The following HAO2 variants were observed in gnomAD, a reference collection of about 807,000 sequenced individuals.
The protein encoded by HAO2 is hydroxyacid oxidase 2.
In HAO2, 42 loss-of-function variants were observed where a neutral mutation model predicts 37.4. The ratio of observed to expected loss-of-function variants is 1.12; its 90% CI spans 0.88 to 1.45. HAO2 has a LOEUF of 1.45. Among genes scored for constraint, HAO2 ranks in the 40% most tolerant of loss-of-function variants. The pLI, the probability that HAO2 is intolerant of heterozygous loss-of-function variation, is 0.00. For missense variants in HAO2, 476 were observed against 430.2 expected (o/e 1.11, Z -0.94); for synonymous variants, 180 against 162.8 (o/e 1.11, Z -0.81).
chr1:119,385,773 G>A (rs146204314), intron 4 of HAO2: 3 of 985,210 alleles, frequency 3.0e-6, no homozygotes, highest in Non-Finnish European at 3.6e-6. Flanking sequence ...GTGACACCAA[G>A]CCAAGTAACT....
At position 119,393,918 on chromosome 1, in the gene HAO2, T is replaced by A; in HGVS notation, c.*78T>A. 6.2e-7 allele frequency: 1 copy of A among 1,606,808 alleles called. No individual in the cohort carries two copies. Among genetic ancestry groups the A allele is most frequent in the Non-Finnish European group, 8.5e-7 (1 of 1,174,674 alleles). Reference sequence around the variant, plus strand: ...ACTCACAGCACAGTGTGTGATGCTGTCCTTCCTGGACCCCATTCTGTCCGG... The same window carrying A: ...ACTCACAGCACAGTGTGTGATGCTGACCTTCCTGGACCCCATTCTGTCCGG... On this transcript the variant is annotated 3_prime_UTR_variant, in exon 8 of 8. Transcript: ENST00000325945.
intron 5 of HAO2, among the ~76,000 whole-genome samples, chr1:119,387,653 G>GT (rs1189321331): frequency 6.6e-6 from 1 of 151,948 alleles, no homozygotes; most frequent in African/African-American, 2.4e-5. Flanking sequence ...ATAATATTGT[G>GT]TTTTTTTCTT....
intron 1 of HAO2, among the ~76,000 whole-genome samples, chr1:119,370,503 T>C (rs1648895632): frequency 6.6e-6 from 1 of 152,114 alleles, no homozygotes; most frequent in Admixed American, 6.5e-5. Context: ...AAGGCACTGT[T>C]CTAGAAATTT....
intron 1 of HAO2, among the ~76,000 whole-genome samples, chr1:119,379,741 G>T (rs1353881162): frequency 6.6e-6 from 1 of 152,088 alleles, no homozygotes; most frequent in Non-Finnish European, 1.5e-5. Context: ...CTTCCTGGGG[G>T]CTCTGTTTCC....
intron 1 of HAO2, chr1:119,380,707 G>A (rs2101208075): frequency 6.2e-7 from 1 of 1,602,868 alleles, no homozygotes; most frequent in Non-Finnish European, 8.5e-7. Flanking sequence ...AAGACAAGAT[G>A]TGGAGTGAAT....
intron 1 of HAO2, among the ~76,000 whole-genome samples, chr1:119,372,242 A>T (rs1468751830): frequency 3.3e-5 from 5 of 152,246 alleles, no homozygotes; most frequent in South Asian, 2.1e-4. Flanking sequence ...AATCATTTTT[A>T]AAAATTTCTT....
rs368748003 is a variant in HAO2 at position 119,386,616 on chromosome 1, C to A, written c.562-6C>A. On this transcript the variant is annotated splice_region_variant and splice_polypyrimidine_tract_variant and intron_variant, in intron 4 of 7. Transcript: ENST00000325945. ...CAGGACTAAGTTCCCTTTTTATTTC[C>A]TATAGGGAAATGCAATACCTTATTT... The A allele has an allele frequency of 9.0e-5, 141 of 1,572,850 alleles. No individual in the cohort carries two copies. The highest frequency in any genetic ancestry group is 1.7e-4 in the Middle Eastern group (1 of 6,006).
At chr1:119,389,290 T>C (rs1650679126) in intron 5 of HAO2, among the ~76,000 whole-genome samples, 1 of 149,038 alleles carries the variant, frequency 6.7e-6, no homozygotes, top group Non-Finnish European at 1.5e-5. Flanking sequence ...TAATGACTTC[T>C]TTTCCCCTGG....
chr1:119,378,678 A>G (rs587705196), intron 1 of HAO2, among the ~76,000 whole-genome samples: 8 of 152,166 alleles, frequency 5.3e-5, no homozygotes, highest in African/African-American at 1.9e-4. Flanking sequence ...TAGACACATG[A>G]CTCTGAGTGA....
At chr1:119,372,539 A>G (rs1341071052) in intron 1 of HAO2, among the ~76,000 whole-genome samples, 1 of 152,254 alleles carries the variant, frequency 6.6e-6, no homozygotes, top group Admixed American at 6.5e-5. Context: ...GGCACTCAAT[A>G]GTTTGGAGAA....
intron 1 of HAO2, among the ~76,000 whole-genome samples, chr1:119,372,672 C>T (rs587731227): frequency 3.3e-4 from 51 of 152,312 alleles, no homozygotes; most frequent in East Asian, 1.4e-3. Context: ...AGTGACAAGA[C>T]TGGTCAAGTA....
chr1:119,377,093 C>T (rs1570758887), intron 1 of HAO2, among the ~76,000 whole-genome samples: 1 of 152,298 alleles, frequency 6.6e-6, no homozygotes, highest in South Asian at 2.1e-4. Flanking sequence ...TTTTATTATG[C>T]TCTGCTCCCC....
intron 1 of HAO2, 42 bp downstream of exon 1, chr1:119,368,944 G>A (rs1648727358): frequency 3.3e-5 from 5 of 152,208 alleles, no homozygotes; most frequent in African/African-American, 9.7e-5. Flanking sequence ...AACTGAGAAG[G>A]GTGATGAAGT....
intron 1 of HAO2, chr1:119,380,474 C>T: frequency 2.1e-6 from 1 of 481,378 alleles, no homozygotes. Context: ...TAAACTTTGT[C>T]TTGTCCTTTC....
intron 1 of HAO2, among the ~76,000 whole-genome samples, chr1:119,378,983 G>C (rs1226572413): frequency 6.6e-6 from 1 of 152,158 alleles, no homozygotes; most frequent in African/African-American, 2.4e-5. Flanking sequence ...TCATTAGGAG[G>C]AACAAATAGT....
chr1:119,370,862 T>A (rs1041732920), intron 1 of HAO2, among the ~76,000 whole-genome samples: 1 of 152,150 alleles, frequency 6.6e-6, no homozygotes, highest in Admixed American at 6.5e-5. Context: ...CCTTTTCTCC[T>A]CTCTCTCCTG....
rs587671004 is a variant in HAO2 at position 119,369,484 on chromosome 1, G to A, written c.-9+582G>A. Among the ~76,000 whole-genome samples, 4 of 152,296 alleles carry A rather than the reference G, an allele frequency of 2.6e-5. No homozygotes were observed. In the East Asian group the frequency reaches 7.7e-4, roughly 29 times the overall value. ...ACTGCCAAGAACGCTAATGAAGACA[G>A]GGAGGTACTGGTATAAAGATAGATA... On this transcript the variant is annotated intron_variant, in intron 1 of 7. Transcript: ENST00000325945.
Position 119,392,614 on chromosome 1 carries a change from G to C in HAO2, c.931-4G>C, listed in dbSNP as rs1651004645. 6.9e-6 allele frequency: 11 copies of C among 1,596,926 alleles called. No homozygotes were observed. Among genetic ancestry groups the C allele is most frequent in the Non-Finnish European group, 9.4e-6 (11 of 1,164,466 alleles). On this transcript the variant is annotated splice_region_variant and splice_polypyrimidine_tract_variant and intron_variant, in intron 6 of 7. Transcript: ENST00000325945. ...GTGTCTCTGTCTGTCTGCCTCGGGAGCAGGGTGAACATGGTGTTAAGGAAG... is the reference window on the plus strand; with the variant it reads ...GTGTCTCTGTCTGTCTGCCTCGGGACCAGGGTGAACATGGTGTTAAGGAAG...
At chr1:119,392,880 A>T (rs587678775) in intron 7 of HAO2, among the ~76,000 whole-genome samples, 193 bp downstream of exon 7, 1 of 152,218 alleles carries the variant, frequency 6.6e-6, no homozygotes, top group African/African-American at 2.4e-5. Flanking sequence ...CCTCAAGATC[A>T]TTGACAGCTC....
Sources: gnomAD v4.1 joint callset for allele counts (sites outside exome capture counted in the v4.1 genomes callset) on GRCh38, gnomAD v4.1.1 for gene constraint, MANE v1.5 for transcripts, NCBI Gene and HGNC (gene_info 2026-07-23, HGNC 2026-07-21) for gene names.